GHR: variants seen among roughly 807,000 people sequenced by gnomAD.
GHR encodes the protein GH receptor.
GHR carries 35 observed loss-of-function variants against 67.1 expected under a neutral mutation model. That is an observed-to-expected ratio of 0.52 (90% CI 0.40 to 0.69). The LOEUF is 0.69. Among genes scored for constraint, GHR ranks in the 30% least tolerant of loss-of-function variants. GHR has a pLI of 0.00. For synonymous variants in GHR, 272 were observed against 269.1 expected (o/e 1.01, Z -0.10); for missense variants, 792 against 764.6 (o/e 1.04, Z -0.42).
chr5:42,503,821 A>G (rs1746640991), intron 1 of GHR, among the ~76,000 whole-genome samples: 1 of 152,164 alleles, frequency 6.6e-6, no homozygotes, highest in Admixed American at 6.5e-5. Context: ...ACTGAAGGAC[A>G]TAAAAGGACG....
At chr5:42,495,259 G>A (rs1281166850) in intron 1 of GHR, among the ~76,000 whole-genome samples, 2 of 151,924 alleles carry the variant, frequency 1.3e-5, no homozygotes, top group South Asian at 4.2e-4. Flanking sequence ...AGTGTTTCAG[G>A]CATCAAGCAT....
At chr5:42,685,087 TC>T (rs1757073525) in intron 3 of GHR, among the ~76,000 whole-genome samples, 2 of 151,932 alleles carry the variant, frequency 1.3e-5, no homozygotes, top group East Asian at 1.9e-4. Context: ...ATGTTATCCC[TC>T]CCCCAGCCCC....
At position 42,630,200 on chromosome 5, in the gene GHR, A is replaced by G. The variant is rs182497255; in HGVS notation, c.136+1097A>G. Among the ~76,000 whole-genome samples the G allele has an allele frequency of 4.5e-4, 60 of 132,814 alleles. 16 individuals are homozygous for G. The highest frequency in any genetic ancestry group is 1.9e-3 in the African/African-American group (60 of 31,634). The allele number at this position is 132,814 out of a possible 152,430, so 87.1% of individuals were successfully genotyped here. A position where few individuals can be genotyped will look rare whatever the true frequency, so the allele number is the denominator to read the frequency against. ...TGGACTGCATGAATGAATTAATTCTATTGAACTTTAAGGCAAAGCCTAAAC... is the reference window on the plus strand; with the variant it reads ...TGGACTGCATGAATGAATTAATTCTGTTGAACTTTAAGGCAAAGCCTAAAC... On this transcript the variant is annotated intron_variant, in intron 3 of 9. Transcript: ENST00000230882.
chr5:42,463,992 C>CAAAAAA (rs70991406), intron 1 of GHR, among the ~76,000 whole-genome samples: 342 of 45,348 alleles, frequency 7.5e-3, no homozygotes, highest in East Asian at 0.012. Flanking sequence ...GACTCCGTCT[C>CAAAAAA]AAAAAAAAAA....
rs975973796 is a variant in GHR, at chr5:42,467,702, C to T, written c.-12+43747C>T. On this transcript the variant is annotated intron_variant, in intron 1 of 9. Transcript: ENST00000230882. ...TTTGCACTCTGAATGAAGGCCTTCC[C>T]ACACTCATGACATTCAAAAGGTTTC... The T allele has an allele frequency of 3.7e-5, 59 of 1,577,280 alleles. No individual in the cohort carries two copies. The African/African-American group carries it at 7.1e-4, about 19-fold the overall frequency.
At chr5:42,594,100 A>C (rs1751939461) in intron 2 of GHR, among the ~76,000 whole-genome samples, 1 of 152,184 alleles carries the variant, frequency 6.6e-6, no homozygotes, top group Non-Finnish European at 1.5e-5. Flanking sequence ...AATTTTGTCA[A>C]CAGTTTGTCA....
intron 3 of GHR, among the ~76,000 whole-genome samples, chr5:42,638,188 C>A (rs1754298196): frequency 6.6e-6 from 1 of 151,970 alleles, no homozygotes; most frequent in Non-Finnish European, 1.5e-5. Flanking sequence ...ATCTGCCCCC[C>A]TCAGCATCCC....
intron 3 of GHR, among the ~76,000 whole-genome samples, chr5:42,658,158 C>A (rs1755358286): frequency 6.6e-6 from 1 of 152,090 alleles, no homozygotes. Flanking sequence ...TACTAGCTAT[C>A]TAACAGCTCA....
At position 42,663,130 on chromosome 5, in the gene GHR, C is replaced by A. The variant is rs375653200; in HGVS notation, c.137-25760C>A. Among the ~76,000 whole-genome samples the A allele has an allele frequency of 3.9e-5, 6 of 152,000 alleles. No homozygotes were observed. The South Asian group carries it at 1.0e-3, about 26-fold the overall frequency. Reference sequence around the variant, plus strand: ...GCTTACCAACCAAAAAGAGTCCAGGCCCAGATGGATTCACAGCCGAATTCT... The same window carrying A: ...GCTTACCAACCAAAAAGAGTCCAGGACCAGATGGATTCACAGCCGAATTCT... On this transcript the variant is annotated intron_variant, in intron 3 of 9. Transcript: ENST00000230882.
intron 3 of GHR, among the ~76,000 whole-genome samples, chr5:42,666,787 C>T (rs902248782): frequency 6.6e-6 from 1 of 152,100 alleles, no homozygotes; most frequent in African/African-American, 2.4e-5. Context: ...AACACAATCC[C>T]CAGGTGATGC....
intron 1 of GHR, among the ~76,000 whole-genome samples, chr5:42,505,122 G>GT (rs35690685): frequency 0.47 from 63,336 of 134,732 alleles, 14,645 homozygotes; most frequent in Middle Eastern, 0.56. Context: ...GCTGTTGACT[G>GT]TTTTTTTTTT....
chr5:42,468,583 C>G, intron 1 of GHR: 1 of 992,588 alleles, frequency 1.0e-6, no homozygotes, highest in Admixed American at 2.2e-5. Context: ...TGGACGGCTG[C>G]GTCTCCTCTT....
chr5:42,426,586 A>G (rs1452615346), intron 1 of GHR, among the ~76,000 whole-genome samples: 3 of 152,202 alleles, frequency 2.0e-5, no homozygotes, highest in African/African-American at 7.2e-5. Context: ...ACAAGCCAAT[A>G]CTTTTTCTTC....
intron 1 of GHR, chr5:42,467,253 A>T: frequency 7.4e-7 from 1 of 1,353,610 alleles, no homozygotes. Context: ...TCTGGTACAT[A>T]ATAAGGTGTG....
chr5:42,689,031 A>C lies in GHR; in HGVS notation c.266+12A>C. The C allele has an allele frequency of 6.2e-7, 1 of 1,612,712 alleles. No individual in the cohort carries two copies. On this transcript the variant is annotated intron_variant, in intron 4 of 9. Transcript: ENST00000230882. ...TTCTATACCAGAAGGTGCCACCATC[A>C]TGCCTTTCTGATTTTCCTCTCCATG...
intron 1 of GHR, among the ~76,000 whole-genome samples, chr5:42,429,792 T>A (rs1331933829): frequency 2.6e-5 from 4 of 152,226 alleles, no homozygotes; most frequent in African/African-American, 9.6e-5. Context: ...AAGTTGAAAC[T>A]ACATGTTATA....
At chr5:42,471,404 C>A (rs1386487346) in intron 1 of GHR, among the ~76,000 whole-genome samples, 2 of 152,174 alleles carry the variant, frequency 1.3e-5, no homozygotes, top group Non-Finnish European at 2.9e-5. Context: ...ATTTGAGGAA[C>A]TAATGGAAAA....
intron 1 of GHR, among the ~76,000 whole-genome samples, chr5:42,460,219 G>A (rs996256848): frequency 2.0e-5 from 3 of 152,106 alleles, no homozygotes; most frequent in Non-Finnish European, 2.9e-5. Flanking sequence ...TGGACTTCCC[G>A]ACCTCCAGAA....
intron 1 of GHR, among the ~76,000 whole-genome samples, chr5:42,447,413 A>G (rs983452416): frequency 6.6e-6 from 1 of 152,014 alleles, no homozygotes. Flanking sequence ...TCCATTCCTG[A>G]GTTACTTTCA....
Sources: gnomAD v4.1 joint callset for allele counts (sites outside exome capture counted in the v4.1 genomes callset) on GRCh38, gnomAD v4.1.1 for gene constraint, MANE v1.5 for transcripts, NCBI Gene and HGNC (gene_info 2026-07-23, HGNC 2026-07-21) for gene names.